Variants in RUNDC3B observed in about 807,000 individuals in gnomAD.
RUNDC3B encodes RUN domain-containing protein 3B.
RUNDC3B carries 33 observed loss-of-function variants against 58.4 expected under a neutral mutation model. The observed-to-expected ratio is 0.56, with a 90% CI of 0.43 to 0.75. RUNDC3B has a LOEUF of 0.75. Among genes scored for constraint, RUNDC3B ranks in the 30% least tolerant of loss-of-function variants. RUNDC3B has a pLI of 0.00. For missense variants in RUNDC3B, 501 were observed against 535.7 expected, an observed-to-expected ratio of 0.94 and a Z score of 0.64; for synonymous variants, 193 against 195.2, an observed-to-expected ratio of 0.99 and a Z score of 0.10.
At chr7:87,765,743 A>T (rs1355214911) in intron 6 of RUNDC3B, among the ~76,000 whole-genome samples, 1 of 152,016 alleles carries the variant, frequency 6.6e-6, no homozygotes, top group Non-Finnish European at 1.5e-5. Context: ...TGTTCTCTGC[A>T]CAGGTGAGAA....
rs60477970 is a variant in RUNDC3B at position 87,799,872 on chromosome 7, C to T, written c.957-7501C>T. Among the ~76,000 whole-genome samples, 1,094 of 134,408 alleles carry T rather than the reference C, an allele frequency of 8.1e-3. 18 individuals carry two copies. The highest frequency in any genetic ancestry group is 0.029 in the African/African-American group (1,026 of 35,104). The allele number at this position is 134,408 out of a possible 152,430, so 88.2% of individuals were successfully genotyped here. On this transcript the variant is annotated intron_variant, in intron 8 of 10. Coordinates refer to ENST00000394654, the MANE Select transcript of RUNDC3B (RefSeq NM_001134405.2). ...CTGCACTCCAGCCTGGGTGACAGAG[C>T]GAGACTCCGTCTCAAAAAAAAAAAA... is the stretch of plus-strand genomic sequence containing the variant.
chr7:87,724,134 G>A (rs1342179860), intron 4 of RUNDC3B, among the ~76,000 whole-genome samples: 1 of 152,044 alleles, frequency 6.6e-6, no homozygotes, highest in Non-Finnish European at 1.5e-5. Flanking sequence ...GAAGTGGGAG[G>A]ATTGCTTGAG....
intron 8 of RUNDC3B, among the ~76,000 whole-genome samples, chr7:87,804,717 TCA>T (rs1275062001): frequency 2.6e-5 from 4 of 152,136 alleles, no homozygotes; most frequent in Admixed American, 1.3e-4. Flanking sequence ...ATAAAATAAT[TCA>T]GTTTTTAGAT....
rs1337346967 is a variant in RUNDC3B, at chr7:87,821,526, A to T, written c.1225+5264A>T. Among the ~76,000 whole-genome samples, 8 of 152,208 alleles carry T rather than the reference A, an allele frequency of 5.3e-5. No homozygotes were observed. The East Asian group carries it at 1.3e-3, about 26-fold the overall frequency. On this transcript the variant is annotated intron_variant, in intron 10 of 10. Coordinates refer to ENST00000394654, the MANE Select transcript of RUNDC3B (RefSeq NM_001134405.2). Reference sequence around the variant, plus strand: ...AGCTACCAATGACTTTCTTCACAGAATTGGAAAAAACTACTTTAAAGTTCA... The same window carrying T: ...AGCTACCAATGACTTTCTTCACAGATTTGGAAAAAACTACTTTAAAGTTCA...
At chr7:87,821,335 G>A (rs1254196198) in intron 10 of RUNDC3B, among the ~76,000 whole-genome samples, 1 of 152,146 alleles carries the variant, frequency 6.6e-6, no homozygotes, top group Admixed American at 6.5e-5. Context: ...ACTTACAAGG[G>A]ATGTGAAGGA....
chr7:87,781,786 T>G (rs1415785980), intron 8 of RUNDC3B, among the ~76,000 whole-genome samples: 2 of 152,134 alleles, frequency 1.3e-5, no homozygotes, highest in Non-Finnish European at 2.9e-5. Context: ...TAGATCACAT[T>G]TCTTGATTTG....
chr7:87,816,769 T>C (rs1224651319), intron 10 of RUNDC3B, among the ~76,000 whole-genome samples: 2 of 152,232 alleles, frequency 1.3e-5, no homozygotes, highest in Non-Finnish European at 2.9e-5. Flanking sequence ...TCAGCCTCTC[T>C]TCCCATTGGG....
intron 2 of RUNDC3B, among the ~76,000 whole-genome samples, chr7:87,667,869 C>T (rs1161804844): frequency 1.3e-5 from 2 of 152,098 alleles, no homozygotes; most frequent in African/African-American, 2.4e-5. Context: ...TTTTGATGTG[C>T]TGCCAGATTT....
intron 2 of RUNDC3B, among the ~76,000 whole-genome samples, chr7:87,689,491 C>T (rs927861444): frequency 7.9e-5 from 12 of 151,908 alleles, no homozygotes; most frequent in Non-Finnish European, 1.3e-4. Flanking sequence ...TGCTTTATTG[C>T]GCTAATATTT....
At chr7:87,667,957 G>GTGTC (rs765947542) in intron 2 of RUNDC3B, among the ~76,000 whole-genome samples, 2 of 151,890 alleles carry the variant, frequency 1.3e-5, no homozygotes, top group Non-Finnish European at 2.9e-5. Flanking sequence ...TTTTTTTGTT[G>GTGTC]TGTCTCTTCC....
Position 87,829,992 on chromosome 7 carries a change from A to G in RUNDC3B, c.1333A>G (p.Thr445Ala), listed in dbSNP as rs1838048724. The G allele has an allele frequency of 1.9e-6, 3 of 1,609,026 alleles. No homozygotes were observed. Among genetic ancestry groups the G allele is most frequent in the South Asian group, 1.1e-5 (1 of 90,218 alleles). ...ATCTAATGACTACCTTGCAAGTCCT[A>G]CAACAGAGATGACAAGTCCAGGCCT... Reference protein sequence around the residue: ...LKSNDYLASPTTEMTSPGLTP... With the variant: ...LKSNDYLASPATEMTSPGLTP... The change falls in exon 11 of 11, where the codon ACA (threonine) becomes GCA (alanine). Residue 445 changes from threonine (T) to alanine (A), a missense_variant. By Grantham distance (58) the Thr-to-Ala change is moderately conservative (BLOSUM62 0). Transcript: ENST00000394654.
chr7:87,694,293 A>G (rs971519159), intron 2 of RUNDC3B, among the ~76,000 whole-genome samples: 6 of 152,140 alleles, frequency 3.9e-5, no homozygotes, highest in Non-Finnish European at 7.4e-5. Flanking sequence ...GTGGCACCAT[A>G]AACAATAACT....
At chr7:87,746,127 A>G (rs780274098) in intron 6 of RUNDC3B, among the ~76,000 whole-genome samples, 18 of 152,096 alleles carry the variant, frequency 1.2e-4, no homozygotes, top group African/African-American at 3.6e-4. Flanking sequence ...TCCTTTTGCA[A>G]TTGACTTCCA....
intron 9 of RUNDC3B, among the ~76,000 whole-genome samples, chr7:87,808,361 A>T (rs945242086): frequency 6.6e-6 from 1 of 151,734 alleles, no homozygotes; most frequent in Non-Finnish European, 1.5e-5. Context: ...TTAGAGTCAC[A>T]TATCTATGTG....
chr7:87,761,342 G>A (rs1833670850), intron 6 of RUNDC3B, among the ~76,000 whole-genome samples: 1 of 151,926 alleles, frequency 6.6e-6, no homozygotes. Context: ...TATTGGTGAG[G>A]ATGTGGAGAA....
intron 8 of RUNDC3B, among the ~76,000 whole-genome samples, chr7:87,796,857 A>T (rs1261820030): frequency 2.6e-5 from 4 of 152,224 alleles, no homozygotes; most frequent in African/African-American, 9.6e-5. Context: ...TGAAGAAATA[A>T]ATGTATCAGT....
chr7:87,812,473 G>T (rs1333622486), intron 9 of RUNDC3B, among the ~76,000 whole-genome samples: 1 of 152,154 alleles, frequency 6.6e-6, no homozygotes. Flanking sequence ...GCCAGGCATG[G>T]TGGCTGACAC....
intron 9 of RUNDC3B, 30 bp downstream of exon 9, chr7:87,807,549 T>C (rs371653786): frequency 6.5e-7 from 1 of 1,543,960 alleles, no homozygotes; most frequent in Non-Finnish European, 9.0e-7. Flanking sequence ...TTCCAACTAA[T>C]TAATAGTTAG....
At chr7:87,725,841 GTGA>G (rs1406528181) in intron 4 of RUNDC3B, among the ~76,000 whole-genome samples, 1 of 152,210 alleles carries the variant, frequency 6.6e-6, no homozygotes, top group Non-Finnish European at 1.5e-5. Flanking sequence ...CTGATGGCCA[GTGA>G]TGATGAGCAT....
Sources: gnomAD v4.1 joint callset for allele counts (sites outside exome capture counted in the v4.1 genomes callset) on GRCh38, gnomAD v4.1.1 for gene constraint, MANE v1.5 for transcripts, NCBI Gene and HGNC (gene_info 2026-07-23, HGNC 2026-07-21) for gene names.